CBLN2: variants seen among roughly 807,000 people sequenced by gnomAD.
The protein encoded by CBLN2 is cerebellin-2.
A neutral mutation model predicts 15.0 loss-of-function variants in CBLN2; 7 were observed. The observed-to-expected ratio is 0.47, with a 90% CI of 0.27 to 0.88. The LOEUF is 0.88. CBLN2 is among the 40% of genes least tolerant of loss of function. The pLI is 0.14. For missense variants in CBLN2, 242 were observed against 304.5 expected (o/e 0.79, Z 1.53); for synonymous variants, 149 against 135.2 (o/e 1.10, Z -0.71).
chr18:72,572,402 A>G (rs1335334770), intron 1 of CBLN2, among the ~76,000 whole-genome samples: 1 of 152,204 alleles, frequency 6.6e-6, no homozygotes, highest in Admixed American at 6.5e-5. Flanking sequence ...GGAATCTTTT[A>G]AAGTATAATT....
chr18:72,570,449 C>A (rs541054483), intron 1 of CBLN2, among the ~76,000 whole-genome samples: 21 of 150,128 alleles, frequency 1.4e-4, no homozygotes. Flanking sequence ...GGTTTCACCA[C>A]GTTGCCCAGG....
rs1032746359 is a variant in CBLN2, at chr18:72,537,240, A to T, written c.*936T>A. The T allele has an allele frequency of 6.6e-6, 1 of 152,206 alleles. No individual in the cohort carries two copies. The highest frequency in any genetic ancestry group is 2.4e-5 in the African/African-American group (1 of 41,456). The allele number at this position is 152,206 out of a possible 1,614,324, so 9.4% of individuals were successfully genotyped here. A position where few individuals can be genotyped will look rare whatever the true frequency, so the allele number is the denominator to read the frequency against. On this transcript the variant is annotated 3_prime_UTR_variant, in exon 5 of 5. Coordinates refer to ENST00000269503, the MANE Select transcript of CBLN2 (RefSeq NM_182511.4). Reference sequence around the variant, plus strand: ...ACACCAGGTTCTTAAAGGATTCTGAAGTATAAATTAAAAAAAAATGCAGGT... The same window carrying T: ...ACACCAGGTTCTTAAAGGATTCTGATGTATAAATTAAAAAAAAATGCAGGT...
At chr18:72,626,279 G>A (rs1599029441) in intron 1 of CBLN2, among the ~76,000 whole-genome samples, 1 of 151,934 alleles carries the variant, frequency 6.6e-6, no homozygotes, top group African/African-American at 2.4e-5. Context: ...TTTTTAATCA[G>A]TAGGGACAAT....
At chr18:72,616,772 T>G (rs1279184837) in intron 1 of CBLN2, among the ~76,000 whole-genome samples, 1 of 152,190 alleles carries the variant, frequency 6.6e-6, no homozygotes, top group Non-Finnish European at 1.5e-5. Flanking sequence ...AATTCATACC[T>G]TCTATGAAGA....
intron 1 of CBLN2, among the ~76,000 whole-genome samples, chr18:72,599,398 T>A (rs1001342672): frequency 3.9e-5 from 6 of 152,164 alleles, no homozygotes; most frequent in Non-Finnish European, 8.8e-5. Flanking sequence ...GTCCATGATT[T>A]TACTAATGCA....
intron 1 of CBLN2, among the ~76,000 whole-genome samples, chr18:72,617,494 G>A (rs989445582): frequency 1.4e-4 from 22 of 152,120 alleles, no homozygotes; most frequent in African/African-American, 4.8e-4. Flanking sequence ...ATACTGAATT[G>A]AGTCAATTAA....
intron 1 of CBLN2, among the ~76,000 whole-genome samples, chr18:72,597,166 C>G (rs1391447331): frequency 1.3e-5 from 2 of 152,182 alleles, no homozygotes; most frequent in Non-Finnish European, 2.9e-5. Flanking sequence ...GGCACCCATC[C>G]TTCTTAGGAA....
rs1050007252 is a variant in CBLN2 at position 72,618,873 on chromosome 18, C to T, written c.15+19452G>A. The T allele has an allele frequency of 6.6e-5, 48 of 727,242 alleles. 1 individual carries two copies. Among genetic ancestry groups the T allele is most frequent in the African/African-American group, 5.7e-4 (33 of 58,014 alleles). 45.0% of individuals were successfully genotyped at this position (727,242 alleles called of 1,614,324 possible). On this transcript the variant is annotated intron_variant, in intron 1 of 2. Coordinates refer to the CBLN2 transcript ENST00000581073. ...ATTGAAGTGGTTCTGGAAGCTTTAG[C>T]GGTGGTCATGGAGGTGGCTTTGGTG...
intron 1 of CBLN2, among the ~76,000 whole-genome samples, chr18:72,612,799 G>T (rs1011147197): frequency 2.0e-5 from 3 of 152,164 alleles, no homozygotes; most frequent in Admixed American, 6.5e-5. Context: ...TTATGGATGT[G>T]TGTTTGTATT....
At chr18:72,579,020 C>T (rs2069386412) in intron 1 of CBLN2, among the ~76,000 whole-genome samples, 2 of 152,182 alleles carry the variant, frequency 1.3e-5, no homozygotes, top group African/African-American at 4.8e-5. Context: ...AAGCCTTAGT[C>T]TAAGCTTGGT....
chr18:72,601,974 G>T (rs1434165257), intron 1 of CBLN2, among the ~76,000 whole-genome samples: 1 of 152,156 alleles, frequency 6.6e-6, no homozygotes, highest in Non-Finnish European at 1.5e-5. Flanking sequence ...AGAAGCTCCT[G>T]TATGTGAAGA....
intron 1 of CBLN2, among the ~76,000 whole-genome samples, chr18:72,562,250 C>T (rs551717498): frequency 6.6e-6 from 1 of 151,912 alleles, no homozygotes; most frequent in Non-Finnish European, 1.5e-5. Context: ...GTAGGCCATA[C>T]AGGGACAAAA....
intron 3 of CBLN2, 95 bp from the exon 4 acceptor site, chr18:72,538,867 A>G (rs2069088404): frequency 2.7e-6 from 4 of 1,495,984 alleles, no homozygotes; most frequent in Non-Finnish European, 3.6e-6. Flanking sequence ...TGCCTCCTTC[A>G]TCAGCGGCTG....
intron 1 of CBLN2, among the ~76,000 whole-genome samples, chr18:72,575,826 T>C (rs1345176039): frequency 6.8e-6 from 1 of 147,904 alleles, no homozygotes; most frequent in Non-Finnish European, 1.5e-5. Flanking sequence ...GGCTGAGTAA[T>C]CATCCCTAGA....
intron 1 of CBLN2, among the ~76,000 whole-genome samples, chr18:72,550,265 C>T (rs1275766168): frequency 6.6e-6 from 1 of 152,222 alleles, no homozygotes; most frequent in Non-Finnish European, 1.5e-5. Context: ...GATTTCCCCT[C>T]AGGATCTCAT....
chr18:72,572,109 T>A (rs2069336119), intron 1 of CBLN2, among the ~76,000 whole-genome samples: 3 of 152,190 alleles, frequency 2.0e-5, no homozygotes, highest in Admixed American at 2.0e-4. Flanking sequence ...ATCTAGGGTT[T>A]GGGCTCTGAA....
chr18:72,618,491 G>T, intron 1 of CBLN2: 2 of 673,324 alleles, frequency 3.0e-6, no homozygotes, highest in East Asian at 3.0e-5. Flanking sequence ...TGAATGCAAG[G>T]TCACACAAGG....
At chr18:72,587,801 G>A (rs963929339) in intron 1 of CBLN2, among the ~76,000 whole-genome samples, 1 of 152,134 alleles carries the variant, frequency 6.6e-6, no homozygotes, top group Non-Finnish European at 1.5e-5. Flanking sequence ...GAGACACAAA[G>A]CCAAGTGCAA....
chr18:72,598,004 A>T (rs1043148304), intron 1 of CBLN2, among the ~76,000 whole-genome samples: 8 of 152,158 alleles, frequency 5.3e-5, no homozygotes, highest in African/African-American at 1.7e-4. Context: ...CGGGAATTGC[A>T]GATCCCAGCT....
Sources: gnomAD v4.1 joint callset for allele counts (sites outside exome capture counted in the v4.1 genomes callset) on GRCh38, gnomAD v4.1.1 for gene constraint, MANE v1.5 for transcripts, NCBI Gene and HGNC (gene_info 2026-07-23, HGNC 2026-07-21) for gene names.